NRF1: variants seen among roughly 807,000 people sequenced by gnomAD.
The protein encoded by NRF1 is alpha palindromic-binding protein.
In NRF1, 5 loss-of-function variants were observed where a neutral mutation model predicts 58.5. That is an observed-to-expected ratio of 0.09 (90% CI 0.04 to 0.18). The LOEUF (loss-of-function observed/expected upper bound fraction) is 0.18. NRF1 is among the 10% of genes least tolerant of loss of function. The probability of loss-of-function intolerance (pLI) is 1.00; values close to 1 mark genes in which losing one functional copy is unlikely to be tolerated. For synonymous variants in NRF1, 224 were observed against 246.7 expected (o/e 0.91, Z 0.86); for missense variants, 288 against 657.7 (o/e 0.44, Z 6.15).
intron 2 of NRF1, among the ~76,000 whole-genome samples, chr7:129,670,200 A>C (rs976576102): frequency 4.6e-5 from 7 of 152,186 alleles, no homozygotes; most frequent in African/African-American, 1.7e-4. Context: ...ACAGATGGGG[A>C]GTTGCTCTTC....
At position 129,690,429 on chromosome 7, in the gene NRF1, C is replaced by T. The variant is rs755450023; in HGVS notation, c.489C>T (p.Ile163=). 1 of 1,614,006 alleles carries T rather than the reference C, an allele frequency of 6.2e-7. No individual in the cohort carries two copies. The highest frequency in any genetic ancestry group is 1.7e-5 in the Admixed American group (1 of 60,008). Residue 163 remains isoleucine (I), a synonymous_variant, in exon 5 of 11, where the codon ATC becomes ATT. Coordinates refer to ENST00000393232, the MANE Select transcript of NRF1 (RefSeq NM_005011.5). ...AGGTGCGTAAGTACAAGAGCATGAT[C>T]CTGGAAGACCTGGAGTCTGCTCTGG... ...ENVVRKYKSM[I]LEDLESALAE... is the part of the protein sequence containing the mutation.
intron 10 of NRF1, among the ~76,000 whole-genome samples, chr7:129,735,659 T>C (rs1803690414): frequency 6.6e-6 from 1 of 151,970 alleles, no homozygotes; most frequent in Admixed American, 6.6e-5. Flanking sequence ...GGGCTGGTCC[T>C]GGCAACAGTC....
At chr7:129,721,493 T>C (rs1199132130) in intron 9 of NRF1, among the ~76,000 whole-genome samples, 1 of 151,672 alleles carries the variant, frequency 6.6e-6, no homozygotes, top group African/African-American at 2.4e-5. Flanking sequence ...TTTTTTTTTT[T>C]TTTATTGAGA....
chr7:129,640,675 A>AGGGT (rs1321587186), intron 1 of NRF1, among the ~76,000 whole-genome samples: 1 of 152,168 alleles, frequency 6.6e-6, no homozygotes, highest in Non-Finnish European at 1.5e-5. Context: ...TCGGGTACAA[A>AGGGT]GGGTGGGACT....
chr7:129,699,791 G>A (rs1193084699), intron 5 of NRF1, among the ~76,000 whole-genome samples: 1 of 151,804 alleles, frequency 6.6e-6, no homozygotes, highest in Non-Finnish European at 1.5e-5. Context: ...GGAGGTAGAA[G>A]TCAGGAGTTA....
At chr7:129,753,326 A>G (rs1804168069) in intron 10 of NRF1, among the ~76,000 whole-genome samples, 1 of 152,174 alleles carries the variant, frequency 6.6e-6, no homozygotes, top group African/African-American at 2.4e-5. Flanking sequence ...GGGTTGGTCT[A>G]ATCAATTAAA....
At chr7:129,614,094 A>T (rs1316040621) in intron 1 of NRF1, among the ~76,000 whole-genome samples, 1 of 152,114 alleles carries the variant, frequency 6.6e-6, no homozygotes, top group Non-Finnish European at 1.5e-5. Flanking sequence ...CCAAGTCGGC[A>T]ATTTTTGTGG....
chr7:129,740,021 A>G (rs1201057687), intron 10 of NRF1, among the ~76,000 whole-genome samples: 1 of 152,130 alleles, frequency 6.6e-6, no homozygotes, highest in African/African-American at 2.4e-5. Context: ...TTCTCACCCA[A>G]CCTTTTCATG....
chr7:129,668,655 A>T, intron 2 of NRF1, among the ~76,000 whole-genome samples: 1 of 152,250 alleles, frequency 6.6e-6, no homozygotes, highest in Admixed American at 6.5e-5. Flanking sequence ...TTACTTGGCA[A>T]CAAAAAGGAA....
intron 3 of NRF1, among the ~76,000 whole-genome samples, chr7:129,673,819 TA>T (rs1333241251): frequency 3.9e-5 from 6 of 151,984 alleles, no homozygotes; most frequent in African/African-American, 1.4e-4. Context: ...TCCCAGAACT[TA>T]AAGTAAAATT....
chr7:129,727,919 G>T (rs1235200843), intron 10 of NRF1, among the ~76,000 whole-genome samples: 1 of 152,176 alleles, frequency 6.6e-6, no homozygotes, highest in African/African-American at 2.4e-5. Context: ...CCCCTACCCT[G>T]AGCTTCTTCC....
At chr7:129,750,790 A>G (rs1357639707) in intron 10 of NRF1, among the ~76,000 whole-genome samples, 4 of 152,192 alleles carry the variant, frequency 2.6e-5, no homozygotes, top group East Asian at 1.9e-4. Flanking sequence ...AGTCTTGAAT[A>G]TAGTATTTTT....
intron 5 of NRF1, among the ~76,000 whole-genome samples, chr7:129,697,277 C>G (rs998572783): frequency 3.3e-5 from 5 of 151,746 alleles, no homozygotes; most frequent in African/African-American, 1.2e-4. Context: ...GGCGCGGTGG[C>G]TCACGCATGT....
At chr7:129,650,368 G>C (rs1801508215) in intron 1 of NRF1, among the ~76,000 whole-genome samples, 1 of 152,034 alleles carries the variant, frequency 6.6e-6, no homozygotes, top group Admixed American at 6.5e-5. Context: ...TTTGTGCACT[G>C]TTGTGAAATT....
intron 10 of NRF1, among the ~76,000 whole-genome samples, chr7:129,744,450 TA>T (rs1803924180): frequency 6.6e-6 from 1 of 152,166 alleles, no homozygotes; most frequent in African/African-American, 2.4e-5. Context: ...AATTCTTTTT[TA>T]AGAGACAGGG....
intron 4 of NRF1, among the ~76,000 whole-genome samples, chr7:129,688,931 TTGTGTG>T (rs10552151): frequency 1.3e-5 from 2 of 150,902 alleles, no homozygotes; most frequent in Non-Finnish European, 3.0e-5. Flanking sequence ...TAAGATTCAT[TTGTGTG>T]TGTGTGTGTG....
chr7:129,638,114 A>G (rs2087082471), intron 1 of NRF1, among the ~76,000 whole-genome samples: 1 of 151,292 alleles, frequency 6.6e-6, no homozygotes, highest in African/African-American at 2.4e-5. Context: ...TTTTTTTTTC[A>G]ATAGTTCACT....
intron 5 of NRF1, among the ~76,000 whole-genome samples, chr7:129,695,021 T>C (rs1802655203): frequency 6.6e-6 from 1 of 152,226 alleles, no homozygotes. Flanking sequence ...TTCCGTGAAC[T>C]GTTAGACACT....
intron 10 of NRF1, among the ~76,000 whole-genome samples, chr7:129,742,293 CA>C (rs971184505): frequency 5.9e-5 from 8 of 135,720 alleles, no homozygotes; most frequent in African/African-American, 1.7e-4. Context: ...AAAAAAAAAA[CA>C]AAAAACTTTG....
Sources: gnomAD v4.1 joint callset for allele counts (sites outside exome capture counted in the v4.1 genomes callset) on GRCh38, gnomAD v4.1.1 for gene constraint, MANE v1.5 for transcripts, NCBI Gene and HGNC (gene_info 2026-07-23, HGNC 2026-07-21) for gene names.